The following WWOX variants were observed in gnomAD, a reference collection of about 807,000 sequenced individuals.
WWOX encodes the protein WW domain containing oxidoreductase, also known as WW domain-containing oxidoreductase.
Under a neutral mutation model 46.2 loss-of-function variants are expected in WWOX, and 69 were observed. That is an observed-to-expected ratio of 1.49 (90% CI 1.23 to 1.82). The LOEUF is 1.82. Among genes scored for constraint, WWOX ranks in the 40% most tolerant of loss-of-function variants. The probability of loss-of-function intolerance (pLI) is 0.00; values close to 1 mark genes in which losing one functional copy is unlikely to be tolerated. For synonymous variants in WWOX, 359 were observed against 202.6 expected (o/e 1.77, Z -6.56); for missense variants, 919 against 542.6 (o/e 1.69, Z -6.89).
intron 8 of WWOX, among the ~76,000 whole-genome samples, chr16:78,810,881 C>G (rs2051171391): frequency 2.0e-5 from 3 of 152,154 alleles, no homozygotes; most frequent in South Asian, 4.1e-4. Context: ...GTCATAATGC[C>G]AGAAGAGACA....
At chr16:78,826,124 A>C (rs1468432757) in intron 8 of WWOX, 1 of 281,120 alleles carries the variant, frequency 3.6e-6, no homozygotes, top group Non-Finnish European at 6.5e-6. Flanking sequence ...GGGAGTCAAG[A>C]CAGGCCGATC....
At chr16:78,606,728 T>C (rs888090970) in intron 8 of WWOX, among the ~76,000 whole-genome samples, 1 of 150,352 alleles carries the variant, frequency 6.7e-6, no homozygotes, top group Non-Finnish European at 1.5e-5. Flanking sequence ...GTTTTTTTTT[T>C]TTTTTTTTTT....
chr16:79,103,764 T>A (rs571590445), intron 8 of WWOX, among the ~76,000 whole-genome samples: 2 of 152,120 alleles, frequency 1.3e-5, no homozygotes, highest in Non-Finnish European at 2.9e-5. Context: ...GCATTCAGTT[T>A]CTGAGTCCTC....
At chr16:78,740,588 C>T (rs1325855329) in intron 8 of WWOX, among the ~76,000 whole-genome samples, 1 of 152,160 alleles carries the variant, frequency 6.6e-6, no homozygotes, top group African/African-American at 2.4e-5. Context: ...GAGCACTCGT[C>T]TTTCAGGCAT....
At chr16:78,362,453 T>C (rs1399136590) in intron 5 of WWOX, among the ~76,000 whole-genome samples, 3 of 151,980 alleles carry the variant, frequency 2.0e-5, no homozygotes, top group Non-Finnish European at 2.9e-5. Context: ...CTATTAAAAA[T>C]ACAAAAATTA....
chr16:79,149,421 A>G (rs2050237168), intron 8 of WWOX, among the ~76,000 whole-genome samples: 1 of 152,184 alleles, frequency 6.6e-6, no homozygotes, highest in Non-Finnish European at 1.5e-5. Flanking sequence ...ACATTGTTGG[A>G]TACAGTTTGC....
At chr16:79,096,769 A>G (rs1287953991) in intron 8 of WWOX, among the ~76,000 whole-genome samples, 8 of 152,152 alleles carry the variant, frequency 5.3e-5, no homozygotes, top group Non-Finnish European at 8.8e-5. Flanking sequence ...CTGCATCCCC[A>G]TCACTAGGAA....
chr16:78,380,087 C>T (rs1255645112), intron 5 of WWOX, among the ~76,000 whole-genome samples: 4 of 152,152 alleles, frequency 2.6e-5, no homozygotes, highest in Non-Finnish European at 4.4e-5. Context: ...CCAATGAGTG[C>T]CCCTGTATCC....
intron 5 of WWOX, among the ~76,000 whole-genome samples, chr16:78,309,255 G>C (rs1464211253): frequency 6.6e-6 from 1 of 152,166 alleles, no homozygotes; most frequent in Admixed American, 6.5e-5. Flanking sequence ...TTATAAATAA[G>C]TGTTTGGTAG....
chr16:78,278,683 T>C, intron 5 of WWOX: 3 of 1,590,510 alleles, frequency 1.9e-6, no homozygotes, highest in Non-Finnish European at 2.6e-6. Flanking sequence ...TAAAAGATCT[T>C]GAATAGTCTC....
At chr16:78,383,538 G>A (rs912251010) in intron 5 of WWOX, among the ~76,000 whole-genome samples, 17 of 152,102 alleles carry the variant, frequency 1.1e-4, no homozygotes, top group African/African-American at 4.1e-4. Flanking sequence ...TTCACCTCTC[G>A]AAAAGGGGTT....
At chr16:79,177,040 C>T (rs1470012272) in intron 8 of WWOX, among the ~76,000 whole-genome samples, 1 of 152,126 alleles carries the variant, frequency 6.6e-6, no homozygotes, top group Non-Finnish European at 1.5e-5. Flanking sequence ...ATTAGGTGGG[C>T]ATAATTGCAT....
intron 8 of WWOX, among the ~76,000 whole-genome samples, chr16:78,782,216 T>C (rs1237789301): frequency 6.6e-6 from 1 of 152,200 alleles, no homozygotes; most frequent in Non-Finnish European, 1.5e-5. Flanking sequence ...CCCTTCCGAT[T>C]GACCCCACTG....
At chr16:78,873,362 C>G (rs1284548877) in intron 8 of WWOX, 3 of 152,156 alleles carry the variant, frequency 2.0e-5, no homozygotes, top group African/African-American at 7.2e-5. Flanking sequence ...TTCAAGTTGA[C>G]TATCTCCTTA....
At chr16:78,137,441 G>A (rs2033836302) in intron 4 of WWOX, among the ~76,000 whole-genome samples, 1 of 152,182 alleles carries the variant, frequency 6.6e-6, no homozygotes, top group Non-Finnish European at 1.5e-5. Context: ...ATTCGACAAG[G>A]TGGAATGAAA....
At chr16:78,582,736 C>G (rs550004324) in intron 8 of WWOX, among the ~76,000 whole-genome samples, 13 of 152,294 alleles carry the variant, frequency 8.5e-5, no homozygotes, top group African/African-American at 3.1e-4. Context: ...TTAGAAAAGT[C>G]TTCATCAATT....
intron 8 of WWOX, among the ~76,000 whole-genome samples, chr16:78,528,237 G>A (rs1319966842): frequency 2.1e-5 from 3 of 142,138 alleles, no homozygotes; most frequent in Admixed American, 1.5e-4. Context: ...GATGGTCTCG[G>A]TCTGCTGATC....
chr16:78,284,292 A>C (rs1743394254), intron 5 of WWOX, among the ~76,000 whole-genome samples: 1 of 152,182 alleles, frequency 6.6e-6, no homozygotes, highest in South Asian at 2.1e-4. Flanking sequence ...CTTTGATTGT[A>C]AGGTGGCTCC....
intron 8 of WWOX, among the ~76,000 whole-genome samples, chr16:78,965,324 G>T (rs570396597): frequency 2.0e-5 from 3 of 152,066 alleles, no homozygotes; most frequent in Non-Finnish European, 2.9e-5. Context: ...ATCCTAGCAC[G>T]TTGGGAGGCT....
Sources: allele counts gnomAD v4.1 joint callset (sites outside exome capture counted in the v4.1 genomes callset), GRCh38; gene constraint gnomAD v4.1.1; transcripts MANE v1.5; gene names NCBI Gene and HGNC (gene_info 2026-07-23, HGNC 2026-07-21).